ZNF823: variants seen among roughly 807,000 people sequenced by gnomAD.
ZNF823 encodes the protein zinc finger protein 823.
Under a neutral mutation model 11.4 loss-of-function variants are expected in ZNF823, and 5 were observed. That is an observed-to-expected ratio of 0.44 (90% CI 0.23 to 0.92). ZNF823 has a LOEUF of 0.92. Ranked by LOEUF, ZNF823 falls within the 40% of genes least tolerant of loss-of-function variation. The pLI is 0.24. For missense variants in ZNF823, 582 were observed against 738.5 expected (o/e 0.79, Z 2.46); for synonymous variants, 234 against 250.5 (o/e 0.93, Z 0.62).
chr19:11,725,084 C>G, intron 2 of ZNF823, 117 bp downstream of exon 2: 1 of 1,358,634 alleles, frequency 7.4e-7, no homozygotes, highest in Non-Finnish European at 1.0e-6. Flanking sequence ...CCTCTAAACC[C>G]TGTGTTGTTC....
At chr19:11,730,780 C>T (rs1206147308) in intron 1 of ZNF823, 1 of 152,118 alleles carries the variant, frequency 6.6e-6, no homozygotes, top group African/African-American at 2.4e-5. Context: ...TTTCCTAGCA[C>T]ATTTAAATTT....
intron 1 of ZNF823, among the ~76,000 whole-genome samples, chr19:11,736,702 A>G (rs1974998431): frequency 6.6e-6 from 1 of 152,230 alleles, no homozygotes; most frequent in South Asian, 2.1e-4. Flanking sequence ...TCTTTTCAAG[A>G]TGACAAATGC....
chr19:11,737,498 G>C (rs1398849798), intron 1 of ZNF823, among the ~76,000 whole-genome samples: 1 of 151,346 alleles, frequency 6.6e-6, no homozygotes, highest in Non-Finnish European at 1.5e-5. Context: ...CCGACCTCAG[G>C]TGATCCGCCA....
chr19:11,730,392 T>A (rs1974871815), intron 1 of ZNF823: 3 of 152,218 alleles, frequency 2.0e-5, no homozygotes, highest in Admixed American at 2.0e-4. Flanking sequence ...CTAAGCAACA[T>A]GGCAAAACCT....
At chr19:11,723,382 T>C (rs765729658) in intron 3 of ZNF823, 40 bp from the exon 4 acceptor site, 2 of 1,463,760 alleles carry the variant, frequency 1.4e-6, no homozygotes, top group Admixed American at 4.7e-5. Flanking sequence ...GGTTTGTTTA[T>C]AAGTGATTTT....
chr19:11,735,923 T>G (rs1448374846), intron 1 of ZNF823, among the ~76,000 whole-genome samples: 1 of 152,166 alleles, frequency 6.6e-6, no homozygotes. Context: ...TAATAAATCA[T>G]TTAGTAAATG....
chr19:11,726,305 T>TATATATATATATATATATATATATAC (rs1974792030), intron 1 of ZNF823, among the ~76,000 whole-genome samples: 1 of 139,794 alleles, frequency 7.2e-6, no homozygotes, highest in Non-Finnish European at 1.5e-5. Flanking sequence ...TATATATATA[T>TATATATATATATATATATATATATAC]ATAAATTTTT....
intron 1 of ZNF823, chr19:11,725,898 C>G (rs1428224394): frequency 6.6e-6 from 1 of 152,632 alleles, no homozygotes; most frequent in African/African-American, 2.4e-5. Flanking sequence ...AGTTTAGGAC[C>G]AGCATGGGCA....
intron 1 of ZNF823, among the ~76,000 whole-genome samples, chr19:11,733,378 A>G (rs998774371): frequency 1.3e-5 from 2 of 150,230 alleles, no homozygotes; most frequent in East Asian, 1.9e-4. Context: ...AAAAAAAAAA[A>G]AAAAGAAAAA....
intron 1 of ZNF823, among the ~76,000 whole-genome samples, chr19:11,731,050 C>G (rs944502910): frequency 6.7e-6 from 1 of 150,090 alleles, no homozygotes; most frequent in African/African-American, 2.4e-5. Flanking sequence ...AGGTGGCTCA[C>G]GCCTGTAATC....
chr19:11,722,051 C>G lies in ZNF823; in HGVS notation c.1483G>C (p.Val495Leu). Residue 495 changes from valine (V) to leucine (L), a missense_variant, in exon 4 of 4, where the codon GTA becomes CTA. By Grantham distance (32) the Val-to-Leu change is conservative (BLOSUM62 1). This residue lies in a region of ZNF823 where 144 missense variants were observed against 154.3 expected (regional missense o/e 0.93). Coordinates refer to ENST00000341191, the MANE Select transcript of ZNF823 (RefSeq NM_001080493.4). This position sits in a 1 kb window ranked among gnomAD's most constrained non-coding sequence, Gnocchi z 5.2. ...GTTTTACACTCATAAGGTTTTTCTA[C>G]TGTGTGGGTCCTTTTATGTTGAGAA... is the stretch of plus-strand genomic sequence containing the variant. The part of the protein sequence containing the change: ...YLSQHKRTHT[V>L]EKPYECKTCR... The G allele has an allele frequency of 6.2e-7, 1 of 1,612,562 alleles. No individual in the cohort carries two copies.
At chr19:11,734,011 G>C (rs1384002389) in intron 1 of ZNF823, among the ~76,000 whole-genome samples, 2 of 151,856 alleles carry the variant, frequency 1.3e-5, no homozygotes, top group Non-Finnish European at 2.9e-5. Context: ...GAGGCAGCCG[G>C]ATCACTTGAG....
intron 1 of ZNF823, among the ~76,000 whole-genome samples, chr19:11,736,244 C>T (rs1009991112): frequency 1.3e-5 from 2 of 152,186 alleles, no homozygotes; most frequent in East Asian, 1.9e-4. Context: ...AGGCTGGGCA[C>T]GGTGGCTCTC....
At position 11,721,837 on chromosome 19, in the gene ZNF823, C is replaced by T. The variant is rs3745663; in HGVS notation, c.1697G>A (p.Arg566His). 639 of 1,611,994 alleles carry T rather than the reference C, an allele frequency of 4.0e-4. 5 individuals carry two copies. The Admixed American group carries it at 9.1e-3, about 23-fold the overall frequency. Reference sequence around the variant, plus strand: ...TTCATGTCCTCGAAGGAAACGGGAACGAGTGAAGGCTTTACCACATTGTAG... The same window carrying T: ...TTCATGTCCTCGAAGGAAACGGGAATGAGTGAAGGCTTTACCACATTGTAG... Reference protein sequence around the residue: ...ECLQCGKAFTRSRFLRGHEKT... With the variant: ...ECLQCGKAFTHSRFLRGHEKT... The change falls in exon 4 of 4, where the codon CGT becomes CAT. Residue 566 changes from arginine to histidine, a missense_variant. Coordinates refer to ENST00000341191, the MANE Select transcript of ZNF823 (RefSeq NM_001080493.4).
chr19:11,728,089 G>A (rs1437286740), intron 1 of ZNF823, among the ~76,000 whole-genome samples: 1 of 152,066 alleles, frequency 6.6e-6, no homozygotes, highest in Non-Finnish European at 1.5e-5. Flanking sequence ...GTGTTAGCCA[G>A]GATGGTCTCG....
chr19:11,721,676 G>A lies in ZNF823; in HGVS notation c.*25C>T. The A allele has an allele frequency of 1.9e-6, 3 of 1,566,452 alleles. No homozygotes were observed. The highest frequency in any genetic ancestry group is 1.4e-5 in the African/African-American group (1 of 73,206). On this transcript the variant is annotated 3_prime_UTR_variant, in exon 4 of 4. Coordinates refer to ENST00000341191, the MANE Select transcript of ZNF823 (RefSeq NM_001080493.4). ...TTCAAGTTTCTGAAATTAAAGTACT[G>A]AATGTTTTCCCACATTCCATACATT...
rs965552672 is a variant in ZNF823, at chr19:11,738,945, G to A, written c.-126C>T. On this transcript the variant is annotated 5_prime_UTR_variant, in exon 1 of 4. Coordinates refer to ENST00000341191, the MANE Select transcript of ZNF823 (RefSeq NM_001080493.4). ...GCCAGAGCCAGGACTCAGAGCGCAG[G>A]GGCGTGGAGAAGACTCCGCGGGCTC... is the stretch of plus-strand genomic sequence containing the variant. The A allele has an allele frequency of 7.1e-6, 9 of 1,271,258 alleles. No individual in the cohort carries two copies. In the Admixed American group the frequency reaches 8.8e-5, roughly 12 times the overall value. 78.7% of individuals were successfully genotyped at this position (1,271,258 alleles called of 1,614,324 possible).
At chr19:11,731,269 G>A (rs1452898824) in intron 1 of ZNF823, among the ~76,000 whole-genome samples, 11 of 151,976 alleles carry the variant, frequency 7.2e-5, no homozygotes, top group African/African-American at 2.4e-4. Flanking sequence ...CCGAGATCAC[G>A]CCATTGCACT....
At chr19:11,734,565 T>C (rs1279746482) in intron 1 of ZNF823, among the ~76,000 whole-genome samples, 1 of 152,106 alleles carries the variant, frequency 6.6e-6, no homozygotes, top group Non-Finnish European at 1.5e-5. Context: ...TGAGATGGAG[T>C]CTTGCTCTGT....
Sources: gnomAD v4.1 joint callset for allele counts (sites outside exome capture counted in the v4.1 genomes callset) on GRCh38, gnomAD v4.1.1 for gene constraint, gnomAD v4.1.1 regional missense constraint, Gnocchi (gnomAD v3.1) non-coding constraint, MANE v1.5 for transcripts, NCBI Gene and HGNC (gene_info 2026-07-23, HGNC 2026-07-21) for gene names.